Variants in TNR observed in about 807,000 individuals in gnomAD.
The protein encoded by TNR is tenascin R.
A neutral mutation model predicts 150.4 loss-of-function variants in TNR; 45 were observed. The observed-to-expected ratio is 0.30, with a 90% CI of 0.24 to 0.38. The LOEUF (loss-of-function observed/expected upper bound fraction) is 0.38, where lower values mean the gene tolerates loss of function less well. TNR is among the 10% of genes least tolerant of loss of function. The pLI is 1.00. For synonymous variants in TNR, 687 were observed against 678.4 expected (o/e 1.01, Z -0.20); for missense variants, 1,544 against 1,759.1 (o/e 0.88, Z 2.19).
At chr1:175,579,573 A>T (rs890341611) in intron 1 of TNR, among the ~76,000 whole-genome samples, 5 of 151,614 alleles carry the variant, frequency 3.3e-5, no homozygotes, top group African/African-American at 1.2e-4. Flanking sequence ...TGGAAAAGTC[A>T]TTTGGATGAA....
In TNR at chr1:175,406,338, G is replaced by A. The variant is rs968751437; in HGVS notation, c.377C>T (p.Pro126Leu). Residue 126 changes from proline to leucine, a missense_variant, in exon 3 of 23, where the codon CCA becomes CTA. Transcript: ENST00000367674. The stretch of plus-strand genomic sequence containing the variant: ...CAGCACCTGGGCTGAACTGGCACAT[G>A]GACAGGCCTTTTTGGGGAAGTTGAT... Reference protein sequence around the residue: ...HRINFPKKACPCASSAQVLQE... With the variant: ...HRINFPKKACLCASSAQVLQE... The A allele has an allele frequency of 6.2e-6, 10 of 1,614,096 alleles. No homozygotes were observed. In the African/African-American group the frequency reaches 1.3e-4, roughly 22 times the overall value.
chr1:175,590,336 G>A (rs528853934), intron 1 of TNR, among the ~76,000 whole-genome samples: 2 of 152,098 alleles, frequency 1.3e-5, no homozygotes, highest in South Asian at 2.1e-4. Flanking sequence ...ATAGATTTTT[G>A]TATTAATTTT....
Position 175,316,229 on chromosome 1 carries a change from T to C in TNR, c.*7128A>G, listed in dbSNP as rs1264119820. 1 of 152,240 alleles carries C rather than the reference T, an allele frequency of 6.6e-6. No homozygotes were observed. The highest frequency in any genetic ancestry group is 1.5e-5 in the Non-Finnish European group (1 of 68,032). The allele number at this position is 152,240 out of a possible 1,614,324, so 9.4% of individuals were successfully genotyped here. ...AAAGTAGCAGAGAAAGCTGATATTG[T>C]AGCCAACTGTCTTCTGATGCCTTCC... On this transcript the variant is annotated 3_prime_UTR_variant, in exon 23 of 23. Transcript: ENST00000367674.
intron 1 of TNR, among the ~76,000 whole-genome samples, chr1:175,730,582 T>C (rs1428704296): frequency 6.6e-6 from 1 of 152,220 alleles, no homozygotes; most frequent in African/African-American, 2.4e-5. Context: ...GTTCATTCAC[T>C]CAACCAATAT....
chr1:175,577,143 T>G (rs528571970), intron 1 of TNR, among the ~76,000 whole-genome samples: 2 of 152,218 alleles, frequency 1.3e-5, no homozygotes, highest in East Asian at 3.9e-4. Flanking sequence ...GGGTACAAGA[T>G]GTAGGCTACA....
At chr1:175,415,468 C>G (rs1460823428) in intron 2 of TNR, among the ~76,000 whole-genome samples, 1 of 152,226 alleles carries the variant, frequency 6.6e-6, no homozygotes, top group Non-Finnish European at 1.5e-5. Flanking sequence ...TGTGCTGGGC[C>G]AGCCTGGGTG....
At chr1:175,622,641 GC>G (rs1664017962) in intron 1 of TNR, among the ~76,000 whole-genome samples, 1 of 152,160 alleles carries the variant, frequency 6.6e-6, no homozygotes, top group Admixed American at 6.5e-5. Flanking sequence ...TCTCTAGACT[GC>G]TTTAGATGCC....
chr1:175,435,411 A>G (rs935519673), intron 2 of TNR, among the ~76,000 whole-genome samples: 9 of 152,240 alleles, frequency 5.9e-5, no homozygotes, highest in Admixed American at 3.3e-4. Context: ...TCCATTAACT[A>G]TGATGGGAAA....
At chr1:175,660,071 C>T (rs4652099) in intron 1 of TNR, among the ~76,000 whole-genome samples, 1 of 151,716 alleles carries the variant, frequency 6.6e-6, no homozygotes, top group Admixed American at 6.6e-5. Flanking sequence ...GAATTCAAGA[C>T]CCTCTATGGG....
chr1:175,326,025 G>A (rs1447596257), intron 21 of TNR, among the ~76,000 whole-genome samples: 3 of 152,132 alleles, frequency 2.0e-5, no homozygotes, highest in Non-Finnish European at 4.4e-5. Flanking sequence ...AATAAAAAAA[G>A]AGAGGCATAT....
chr1:175,604,971 G>A (rs1663364118), intron 1 of TNR, among the ~76,000 whole-genome samples: 1 of 152,182 alleles, frequency 6.6e-6, no homozygotes, highest in South Asian at 2.1e-4. Flanking sequence ...ACCCAAAGAA[G>A]CATCTGACAA....
At chr1:175,607,938 T>C (rs552726441) in intron 1 of TNR, among the ~76,000 whole-genome samples, 2 of 152,358 alleles carry the variant, frequency 1.3e-5, no homozygotes, top group East Asian at 3.9e-4. Context: ...GCTTAACTGA[T>C]GTACAGGTTA....
intron 1 of TNR, among the ~76,000 whole-genome samples, chr1:175,584,661 A>T (rs975553871): frequency 3.3e-5 from 5 of 152,094 alleles, no homozygotes; most frequent in Non-Finnish European, 5.9e-5. Flanking sequence ...CCTCTTTATG[A>T]CTCTGGGCTC....
chr1:175,596,313 C>T (rs906168838), intron 1 of TNR, among the ~76,000 whole-genome samples: 1 of 152,056 alleles, frequency 6.6e-6, no homozygotes, highest in African/African-American at 2.4e-5. Flanking sequence ...CTAGAAGGTC[C>T]TCCAGTTCCC....
At chr1:175,697,347 C>CTTT (rs58904598) in intron 1 of TNR, among the ~76,000 whole-genome samples, 2 of 147,316 alleles carry the variant, frequency 1.4e-5, no homozygotes, top group Non-Finnish European at 3.0e-5. Context: ...CTTTCTACGT[C>CTTT]TTTTTTTTTT....
chr1:175,363,626 G>C, intron 13 of TNR, 82 bp downstream of exon 13: 1 of 1,519,018 alleles, frequency 6.6e-7, no homozygotes, highest in Non-Finnish European at 8.9e-7. Context: ...AGGCAGGAGT[G>C]GATGTTCTGC....
chr1:175,415,356 G>T (rs1487455989), intron 2 of TNR, among the ~76,000 whole-genome samples: 1 of 152,148 alleles, frequency 6.6e-6, no homozygotes, highest in African/African-American at 2.4e-5. Context: ...TATTGGGCCT[G>T]TCAGATTTCT....
intron 1 of TNR, among the ~76,000 whole-genome samples, chr1:175,676,141 G>A (rs953437222): frequency 4.6e-5 from 7 of 152,126 alleles, no homozygotes; most frequent in African/African-American, 1.4e-4. Flanking sequence ...TTAATGGCAG[G>A]TGATAAGATT....
intron 1 of TNR, among the ~76,000 whole-genome samples, chr1:175,560,914 G>T (rs1199935707): frequency 2.0e-5 from 3 of 152,138 alleles, no homozygotes; most frequent in African/African-American, 4.8e-5. Flanking sequence ...TAACAAAATC[G>T]ATTTTGTTCC....
Sources: allele counts gnomAD v4.1 joint callset (sites outside exome capture counted in the v4.1 genomes callset), GRCh38; gene constraint gnomAD v4.1.1; transcripts MANE v1.5; gene names NCBI Gene and HGNC (gene_info 2026-07-23, HGNC 2026-07-21).